Variants in HSP90AA1 observed in about 807,000 individuals in gnomAD.
HSP90AA1 encodes heat shock protein HSP 90-alpha.
Under a neutral mutation model 73.3 loss-of-function variants are expected in HSP90AA1, and 18 were observed. The ratio of observed to expected loss-of-function variants is 0.25; its 90% CI spans 0.17 to 0.36. The LOEUF (loss-of-function observed/expected upper bound fraction) is 0.36, where lower values mean the gene tolerates loss of function less well. Among genes scored for constraint, HSP90AA1 ranks in the 10% least tolerant of loss-of-function variants. The pLI is 1.00. For missense variants in HSP90AA1, 704 were observed against 874.2 expected (o/e 0.81, Z 2.45); for synonymous variants, 477 against 296.9 (o/e 1.61, Z -6.24).
intron 2 of HSP90AA1, 21 bp downstream of exon 2, chr14:102,086,196 C>G: frequency 6.2e-7 from 1 of 1,614,152 alleles, no homozygotes; most frequent in Non-Finnish European, 8.5e-7. Context: ...AAATCCGATT[C>G]TGGGTTAATA....
Position 102,082,652 on chromosome 14 carries a change from G to A in HSP90AA1, c.1756-208C>T, listed in dbSNP as rs564316539. ...AATTTTTTTTTTGAGATAGAGTCTC[G>A]CTCCATCACCCAGGCTGGAGTGCAG... On this transcript the variant is annotated intron_variant, in intron 9 of 10. Transcript: ENST00000216281. The A allele has an allele frequency of 3.4e-5, 20 of 584,354 alleles. 1 individual carries two copies. The highest frequency in any genetic ancestry group is 3.3e-4 in the South Asian group (17 of 50,946). 36.2% of individuals were successfully genotyped at this position (584,354 alleles called of 1,614,324 possible). A position where few individuals can be genotyped will look rare whatever the true frequency, so the allele number is the denominator to read the frequency against.
rs957342013 is a variant in HSP90AA1 at position 102,081,286 on chromosome 14, G to A, written c.*426C>T. 5 of 289,780 alleles carry A rather than the reference G, an allele frequency of 1.7e-5. No individual in the cohort carries two copies. Among genetic ancestry groups the A allele is most frequent in the Non-Finnish European group, 2.6e-5 (4 of 151,856 alleles). 18.0% of individuals were successfully genotyped at this position (289,780 alleles called of 1,614,324 possible). On this transcript the variant is annotated 3_prime_UTR_variant, in exon 11 of 11. Transcript: ENST00000216281. ...CTAGAGGACTAGTACATGCAGAATT[G>A]TCAACTACAGGGAATGAAAAGTTCA...
intron 1 of HSP90AA1, chr14:102,139,153 C>G: frequency 7.0e-7 from 1 of 1,428,292 alleles, no homozygotes; most frequent in African/African-American, 1.4e-5. Flanking sequence ...ATTAGGATAT[C>G]TGGCTTGAGA....
At chr14:102,128,992 G>A (rs181602810) in intron 1 of HSP90AA1, among the ~76,000 whole-genome samples, 19 of 151,994 alleles carry the variant, frequency 1.3e-4, no homozygotes, top group East Asian at 1.9e-4. Context: ...TCTTTATGGC[G>A]CTCCCTGGAC....
intron 1 of HSP90AA1, among the ~76,000 whole-genome samples, chr14:102,117,706 C>T (rs2049724329): frequency 6.6e-6 from 1 of 152,158 alleles, no homozygotes. Flanking sequence ...TCAGGACCCA[C>T]CGAATGGCGA....
At chr14:102,129,132 G>C (rs1052794190) in intron 1 of HSP90AA1, among the ~76,000 whole-genome samples, 4 of 112,086 alleles carry the variant, frequency 3.6e-5, no homozygotes, top group Non-Finnish European at 7.0e-5. Context: ...CTCTAGTTTT[G>C]ATTTTTTTTT....
chr14:102,083,807 A>G lies in HSP90AA1; in HGVS notation c.1324T>C (p.Ser442Pro). ...TTTACACCAACCTTTATGTTTTTAG[A>G]GAACTGCTCATAGAATTTCTTGTAG... is the stretch of plus-strand genomic sequence containing the variant. ...ENYKKFYEQF[S>P]KNIKLGIHED... Residue 442 changes from serine (S) to proline (P), a missense_variant, in exon 7 of 11, where the codon TCT becomes CCT. Coordinates refer to ENST00000216281, the MANE Select transcript of HSP90AA1 (RefSeq NM_005348.4). 6.2e-7 allele frequency: 1 copy of G among 1,612,588 alleles called. No individual in the cohort carries two copies. Among genetic ancestry groups the G allele is most frequent in the Non-Finnish European group, 8.5e-7 (1 of 1,179,536 alleles).
rs1467265133 is a variant in HSP90AA1 at position 102,086,354 on chromosome 14, C to G, written c.25G>C (p.Asp9His). The change falls in exon 2 of 11, where the codon GAC becomes CAC. Residue 9 changes from aspartate to histidine, a missense_variant. Asp to His is a moderately conservative substitution (Grantham distance 81). Transcript: ENST00000216281. MPEETQTQ[D>H]QPMEEEEVET... ...ACCTCCTCCTCCTCCATCGGTTGGT[C>G]TTGGGTCTGGGTTTCCTCAGGCATC... 1.2e-6 allele frequency: 2 copies of G among 1,614,050 alleles called. No homozygotes were observed. The highest frequency in any genetic ancestry group is 1.7e-6 in the Non-Finnish European group (2 of 1,180,034).
chr14:102,087,353 G>A (rs1354749265), upstream of HSP90AA1, among the ~76,000 whole-genome samples: 1 of 150,944 alleles, frequency 6.6e-6, no homozygotes. Context: ...CGCCTTCTGG[G>A]GCCGCCCGCG....
At position 102,085,360 on chromosome 14, in the gene HSP90AA1, G is replaced by T. The variant is rs1566720609; in HGVS notation, c.601C>A (p.Arg201=). Residue 201 remains arginine (R), a synonymous_variant, in exon 4 of 11, where the codon CGA becomes AGA. Transcript: ENST00000216281. Reference sequence around the variant, plus strand: ...TTCTTCACAATCTCCTTTATTCTTCGTTCCTCCAAGTACTCAGTTTGGTCT... The same window carrying T: ...TTCTTCACAATCTCCTTTATTCTTCTTTCCTCCAAGTACTCAGTTTGGTCT... ...KEDQTEYLEE[R]RIKEIVKKHS... is the part of the protein sequence containing the mutation. 4 of 1,612,218 alleles carry T rather than the reference G, an allele frequency of 2.5e-6. No individual in the cohort carries two copies. The highest frequency in any genetic ancestry group is 3.4e-6 in the Non-Finnish European group (4 of 1,178,326).
At chr14:102,088,632 C>T (rs191768351), upstream of HSP90AA1, among the ~76,000 whole-genome samples, 164 of 152,256 alleles carry the variant, frequency 1.1e-3, 2 homozygotes, top group East Asian at 0.03. Context: ...AGCCTGGGGG[C>T]GCGCCCCCGG....
At chr14:102,114,887 C>A (rs907605478) in intron 1 of HSP90AA1, among the ~76,000 whole-genome samples, 16 of 152,164 alleles carry the variant, frequency 1.1e-4, no homozygotes, top group African/African-American at 3.9e-4. Flanking sequence ...GTAATCCCAG[C>A]ACTTTGGGAG....
At chr14:102,103,341 C>T (rs1241418508) in intron 1 of HSP90AA1, among the ~76,000 whole-genome samples, 3 of 150,958 alleles carry the variant, frequency 2.0e-5, no homozygotes, top group Non-Finnish European at 4.4e-5. Context: ...CTCTGCTTCT[C>T]GAGTAGCTGG....
chr14:102,087,931 G>GTTTTTTTTTTTTT (rs71116877), upstream of HSP90AA1, among the ~76,000 whole-genome samples: 3 of 109,798 alleles, frequency 2.7e-5, no homozygotes, highest in Non-Finnish European at 5.2e-5. Context: ...GCCCTAAAAG[G>GTTTTTTTTTTTTT]TTTTTTTTTT....
At chr14:102,138,406 T>C (rs2050088500) in intron 1 of HSP90AA1, among the ~76,000 whole-genome samples, 1 of 152,208 alleles carries the variant, frequency 6.6e-6, no homozygotes, top group African/African-American at 2.4e-5. Context: ...ACCCTGGTGT[T>C]TTAAGATTAG....
At chr14:102,113,691 TTTA>T (rs1339216335) in intron 1 of HSP90AA1, among the ~76,000 whole-genome samples, 2 of 151,948 alleles carry the variant, frequency 1.3e-5, no homozygotes, top group African/African-American at 4.8e-5. Context: ...ACTCATTTAT[TTTA>T]TTTTTTTATT....
intron 10 of HSP90AA1, 117 bp downstream of exon 10, chr14:102,081,994 A>G: frequency 1.2e-6 from 1 of 813,384 alleles, no homozygotes; most frequent in South Asian, 1.4e-5. Context: ...ATACTTTAAT[A>G]CCTCCAAGCA....
chr14:102,090,786 C>T (rs1456049369), upstream of HSP90AA1, among the ~76,000 whole-genome samples: 1 of 152,218 alleles, frequency 6.6e-6, no homozygotes, highest in African/African-American at 2.4e-5. Context: ...CCAAGCCTTG[C>T]AGATTTAGCA....
At chr14:102,089,135 G>A (rs1319378704), upstream of HSP90AA1, among the ~76,000 whole-genome samples, 2 of 152,102 alleles carry the variant, frequency 1.3e-5, no homozygotes, top group Non-Finnish European at 2.9e-5. Context: ...TGGCCAGGCT[G>A]GTCTCGAACC....
Sources: gnomAD v4.1 joint callset for allele counts (sites outside exome capture counted in the v4.1 genomes callset) on GRCh38, gnomAD v4.1.1 for gene constraint, MANE v1.5 for transcripts, NCBI Gene and HGNC (gene_info 2026-07-23, HGNC 2026-07-21) for gene names.